GPATCH2: variants seen among roughly 807,000 people sequenced by gnomAD.
GPATCH2 encodes G patch domain-containing protein 2.
Under a neutral mutation model 58.0 loss-of-function variants are expected in GPATCH2, and 51 were observed. The ratio of observed to expected loss-of-function variants is 0.88; its 90% CI spans 0.70 to 1.11. The LOEUF is 1.11. GPATCH2 is among the 50% of genes most tolerant of loss of function. GPATCH2 has a pLI of 0.00. For synonymous variants in GPATCH2, 222 were observed against 218.5 expected (o/e 1.02, Z -0.14); for missense variants, 625 against 652.2 (o/e 0.96, Z 0.45).
intron 7 of GPATCH2, among the ~76,000 whole-genome samples, chr1:217,497,838 A>T (rs2102546110): frequency 6.6e-6 from 1 of 152,332 alleles, no homozygotes; most frequent in South Asian, 2.1e-4. Context: ...ACATGTAAAA[A>T]TAACTGTAAT....
chr1:217,457,593 T>G (rs1368412599), intron 8 of GPATCH2, among the ~76,000 whole-genome samples: 1 of 152,172 alleles, frequency 6.6e-6, no homozygotes. Flanking sequence ...GAATGCTTAG[T>G]GTAGGGTGTC....
chr1:217,542,385 T>G (rs1664791761), intron 5 of GPATCH2, among the ~76,000 whole-genome samples: 1 of 152,214 alleles, frequency 6.6e-6, no homozygotes, highest in Non-Finnish European at 1.5e-5. Context: ...TATAGTTGGC[T>G]CAGGGATGTG....
At position 217,431,164 on chromosome 1, in the gene GPATCH2, T is replaced by C. The variant is rs140807063; in HGVS notation, c.1568A>G (p.Asn523Ser). Residue 523 changes from asparagine (N) to serine (S), a missense_variant, in exon 10 of 10, where the codon AAT (asparagine) becomes AGT (serine). By Grantham distance (46) the Asn-to-Ser change is conservative. Coordinates refer to ENST00000366935, the MANE Select transcript of GPATCH2 (RefSeq NM_018040.5). ...PKSTSATTTP[N>S]AGKSA ...CTTTTCTTAGGCGGATTTTCCTGCATTGGGGGTAGTAGTTGCGGAAGTACT... is the reference window on the plus strand; with the variant it reads ...CTTTTCTTAGGCGGATTTTCCTGCACTGGGGGTAGTAGTTGCGGAAGTACT... 1.3e-4 allele frequency: 202 copies of C among 1,536,524 alleles called. No individual in the cohort carries two copies. The highest frequency in any genetic ancestry group is 1.8e-4 in the Non-Finnish European group (195 of 1,109,114).
At chr1:217,629,865 A>C (rs1669654531) in intron 1 of GPATCH2, among the ~76,000 whole-genome samples, 1 of 152,210 alleles carries the variant, frequency 6.6e-6, no homozygotes, top group South Asian at 2.1e-4. Context: ...AGGTCCAACT[A>C]GAAATATTTT....
chr1:217,573,859 T>C (rs983747901), intron 5 of GPATCH2, among the ~76,000 whole-genome samples: 1 of 152,218 alleles, frequency 6.6e-6, no homozygotes, highest in African/African-American at 2.4e-5. Context: ...CCGTTAATTA[T>C]ACTACAGAAA....
chr1:217,515,973 C>T (rs1157896152), intron 5 of GPATCH2, among the ~76,000 whole-genome samples: 2 of 151,904 alleles, frequency 1.3e-5, no homozygotes, highest in Non-Finnish European at 2.9e-5. Flanking sequence ...CCCGAAAAGA[C>T]AGGAGTCATC....
At chr1:217,566,951 TAAC>T (rs1048513727) in intron 5 of GPATCH2, among the ~76,000 whole-genome samples, 1 of 152,080 alleles carries the variant, frequency 6.6e-6, no homozygotes. Context: ...AGACTCATAA[TAAC>T]AGTTATTTTC....
At chr1:217,598,686 C>G (rs1411130680) in intron 5 of GPATCH2, among the ~76,000 whole-genome samples, 1 of 151,954 alleles carries the variant, frequency 6.6e-6, no homozygotes, top group Non-Finnish European at 1.5e-5. Context: ...AGGCTCGTCT[C>G]AAACTCCTGA....
intron 1 of GPATCH2, among the ~76,000 whole-genome samples, chr1:217,625,546 A>G (rs1370591866): frequency 1.3e-5 from 2 of 152,216 alleles, no homozygotes; most frequent in African/African-American, 2.4e-5. Context: ...CTCTGTTACC[A>G]ATAATTGCTA....
At chr1:217,458,200 T>A (rs1317244228) in intron 8 of GPATCH2, among the ~76,000 whole-genome samples, 1 of 152,098 alleles carries the variant, frequency 6.6e-6, no homozygotes, top group Non-Finnish European at 1.5e-5. Flanking sequence ...ACTGCACTCC[T>A]GCTTGGGAAA....
chr1:217,546,536 TG>T (rs1665062776), intron 5 of GPATCH2, among the ~76,000 whole-genome samples: 1 of 152,196 alleles, frequency 6.6e-6, no homozygotes, highest in African/African-American at 2.4e-5. Context: ...TAAATGGTGC[TG>T]GGATAACTGG....
At position 217,430,676 on chromosome 1, in the gene GPATCH2, C is replaced by A. The variant is rs1311120252; in HGVS notation, c.*469G>T. Reference sequence around the variant, plus strand: ...ATATGAAATTGACAAGCCTTTCAAACAAAGATGTGTTCGGACTTCACTGAT... The same window carrying A: ...ATATGAAATTGACAAGCCTTTCAAAAAAAGATGTGTTCGGACTTCACTGAT... On this transcript the variant is annotated 3_prime_UTR_variant, in exon 10 of 10. Coordinates refer to ENST00000366935, the MANE Select transcript of GPATCH2 (RefSeq NM_018040.5). 1.3e-5 allele frequency: 2 copies of A among 156,394 alleles called. No individual in the cohort carries two copies. The highest frequency in any genetic ancestry group is 2.8e-5 in the Non-Finnish European group (2 of 70,866). 9.7% of individuals were successfully genotyped at this position (156,394 alleles called of 1,614,324 possible).
intron 5 of GPATCH2, among the ~76,000 whole-genome samples, chr1:217,547,469 C>A (rs1289803114): frequency 6.6e-6 from 1 of 152,228 alleles, no homozygotes; most frequent in Admixed American, 6.5e-5. Flanking sequence ...TGTGGCAATT[C>A]CTCAAAGACT....
At chr1:217,460,951 C>T (rs976282085) in intron 8 of GPATCH2, among the ~76,000 whole-genome samples, 2 of 152,252 alleles carry the variant, frequency 1.3e-5, no homozygotes, top group South Asian at 4.1e-4. Context: ...CAAATACAGG[C>T]TGAAGACTGA....
intron 1 of GPATCH2, among the ~76,000 whole-genome samples, chr1:217,623,233 A>C (rs1669288602): frequency 1.3e-5 from 2 of 152,168 alleles, no homozygotes; most frequent in South Asian, 4.1e-4. Flanking sequence ...GGCCAGTTCA[A>C]AATAATAAAA....
chr1:217,610,843 C>G (rs2102815735), intron 4 of GPATCH2, 46 bp downstream of exon 4: 1 of 1,309,060 alleles, frequency 7.6e-7, no homozygotes. Context: ...TATTCCTAGA[C>G]TGACCTTAAA....
chr1:217,614,738 A>G (rs751126202), intron 2 of GPATCH2, among the ~76,000 whole-genome samples: 2 of 151,782 alleles, frequency 1.3e-5, no homozygotes, highest in Admixed American at 6.6e-5. Flanking sequence ...TAAAACGGTG[A>G]TAATCCATTA....
intron 8 of GPATCH2, among the ~76,000 whole-genome samples, chr1:217,490,439 C>G (rs1661664946): frequency 6.6e-6 from 1 of 152,154 alleles, no homozygotes; most frequent in South Asian, 2.1e-4. Context: ...TAGCGACCAT[C>G]TCATCAAATT....
chr1:217,614,113 AAG>A, intron 3 of GPATCH2, 26 bp downstream of exon 3: 1 of 1,349,694 alleles, frequency 7.4e-7, no homozygotes, highest in Non-Finnish European at 1.1e-6. Flanking sequence ...AGTTTTTCCA[AAG>A]AGAGAAAAAA....
Sources: allele counts gnomAD v4.1 joint callset (sites outside exome capture counted in the v4.1 genomes callset), GRCh38; gene constraint gnomAD v4.1.1; transcripts MANE v1.5; gene names NCBI Gene and HGNC (gene_info 2026-07-23, HGNC 2026-07-21).